The following RMDN1 variants were observed in gnomAD, a reference collection of about 807,000 sequenced individuals.
RMDN1 encodes the protein regulator of microtubule dynamics 1.
In RMDN1, 48 loss-of-function variants were observed where a neutral mutation model predicts 48.9. The ratio of observed to expected loss-of-function variants is 0.98; its 90% CI spans 0.78 to 1.25. RMDN1 has a LOEUF of 1.25. RMDN1 is among the 50% of genes most tolerant of loss of function. The probability of loss-of-function intolerance (pLI) is 0.00; values close to 1 mark genes in which losing one functional copy is unlikely to be tolerated. For synonymous variants in RMDN1, 148 were observed against 132.6 expected, an observed-to-expected ratio of 1.12 and a Z score of -0.80; for missense variants, 418 against 373.4, an observed-to-expected ratio of 1.12 and a Z score of -0.98.
downstream of RMDN1, chr8:86,468,292 T>C (rs1319981987): frequency 2.5e-6 from 1 of 405,748 alleles, no homozygotes; most frequent in African/African-American, 2.1e-5. Context: ...ATTTTATTTT[T>C]CTACATATTG....
chr8:86,470,147 A>T, downstream of RMDN1: 2 of 1,281,290 alleles, frequency 1.6e-6, no homozygotes, highest in South Asian at 2.5e-5. Context: ...GGAAGGAAGG[A>T]AACATCTATA....
chr8:86,504,406 G>T, intron 2 of RMDN1: 1 of 1,560,634 alleles, frequency 6.4e-7, no homozygotes, highest in Admixed American at 1.7e-5. Flanking sequence ...CATTTCCATT[G>T]TGCTCCAGCT....
At chr8:86,469,284 C>CAACTA (rs1319126306), downstream of RMDN1, among the ~76,000 whole-genome samples, 1 of 151,992 alleles carries the variant, frequency 6.6e-6, no homozygotes, top group Non-Finnish European at 1.5e-5. Flanking sequence ...CCTACCCTGA[C>CAACTA]AACTAAATAG....
intron 8 of RMDN1, 27 bp from the exon 9 acceptor site, chr8:86,474,980 TCAGAGGAAACAGTG>T (rs1813125062): frequency 3.8e-6 from 6 of 1,567,808 alleles, no homozygotes; most frequent in Non-Finnish European, 5.2e-6. Context: ...AAAAATGATC[TCAGAGGAAACAGTG>T]TTGCTTTTAT....
chr8:86,484,306 T>C (rs1303241005), intron 5 of RMDN1, among the ~76,000 whole-genome samples: 2 of 144,486 alleles, frequency 1.4e-5, no homozygotes, highest in South Asian at 2.1e-4. Context: ...AGAGGCCATC[T>C]TGGACACTGT....
intron 2 of RMDN1, among the ~76,000 whole-genome samples, chr8:86,501,204 A>C (rs1818157955): frequency 6.6e-6 from 1 of 152,190 alleles, no homozygotes; most frequent in Non-Finnish European, 1.5e-5. Flanking sequence ...CTAAAATAAA[A>C]GTTGGAAAAA....
intron 5 of RMDN1, among the ~76,000 whole-genome samples, chr8:86,484,433 G>A (rs1355715109): frequency 6.6e-6 from 1 of 152,108 alleles, no homozygotes; most frequent in Non-Finnish European, 1.5e-5. Context: ...ATAACAAACT[G>A]TCGGCTGGGC....
intron 3 of RMDN1, among the ~76,000 whole-genome samples, chr8:86,487,452 G>A (rs1563615441): frequency 6.6e-6 from 1 of 152,108 alleles, no homozygotes; most frequent in Non-Finnish European, 1.5e-5. Context: ...GCCGGGTGTG[G>A]TGGCACATGT....
At chr8:86,505,054 C>T (rs1352183878) in intron 2 of RMDN1, 2 of 1,447,128 alleles carry the variant, frequency 1.4e-6, no homozygotes, top group Non-Finnish European at 1.9e-6. Flanking sequence ...AAGGAGACCA[C>T]CACCAATGTC....
chr8:86,503,385 A>AC (rs60830118), intron 2 of RMDN1, among the ~76,000 whole-genome samples: 1,185 of 80,128 alleles, frequency 0.015, 67 homozygotes, highest in African/African-American at 0.054. Flanking sequence ...AAAAAAAAAA[A>AC]AAAACAAAAA....
chr8:86,479,259 G>A (rs1457568247), intron 6 of RMDN1, among the ~76,000 whole-genome samples: 1 of 152,108 alleles, frequency 6.6e-6, no homozygotes, highest in Admixed American at 6.6e-5. Flanking sequence ...ATCTACCACT[G>A]AGTGCATTGT....
At chr8:86,488,520 C>T in intron 3 of RMDN1, 32 bp downstream of exon 3, 1 of 1,394,188 alleles carries the variant, frequency 7.2e-7, no homozygotes, top group Non-Finnish European at 9.7e-7. Flanking sequence ...TTTGAGGAAA[C>T]CACAAGCCTA....
intron 2 of RMDN1, among the ~76,000 whole-genome samples, chr8:86,492,428 G>A (rs1386738462): frequency 6.6e-6 from 1 of 151,978 alleles, no homozygotes; most frequent in Non-Finnish European, 1.5e-5. Flanking sequence ...CAAGGCGGGT[G>A]GATCACCTGA....
intron 2 of RMDN1, among the ~76,000 whole-genome samples, chr8:86,493,668 T>C (rs541177427): frequency 2.0e-5 from 3 of 152,222 alleles, no homozygotes; most frequent in Admixed American, 2.0e-4. Flanking sequence ...ATCCAAAACT[T>C]TGTGAGAGCC....
intron 2 of RMDN1, among the ~76,000 whole-genome samples, chr8:86,494,469 T>C (rs974655666): frequency 6.6e-6 from 1 of 152,062 alleles, no homozygotes; most frequent in African/African-American, 2.4e-5. Flanking sequence ...GGCAGGAGGA[T>C]TGCCTGAGTC....
In RMDN1 at chr8:86,473,837, C is replaced by T. The variant is rs1470921234; in HGVS notation, c.*471G>A. 1.1e-5 allele frequency: 11 copies of T among 987,238 alleles called. No individual in the cohort carries two copies. The highest frequency in any genetic ancestry group is 1.3e-5 in the Non-Finnish European group (11 of 831,226). 61.2% of individuals were successfully genotyped at this position (987,238 alleles called of 1,614,324 possible). On this transcript the variant is annotated 3_prime_UTR_variant, in exon 10 of 10. Transcript: ENST00000406452. ...TTAGTTCTTTACTTACACAGGTTAG[C>T]TCCAAGATATATCATTTAACTACTT... is the stretch of plus-strand genomic sequence containing the variant.
rs922114988 is a variant in RMDN1, at chr8:86,472,989, A to G, written c.*1319T>C. 6 of 314,186 alleles carry G rather than the reference A, an allele frequency of 1.9e-5. No homozygotes were observed. The highest frequency in any genetic ancestry group is 6.4e-5 in the Admixed American group (1 of 15,552). The allele number at this position is 314,186 out of a possible 1,614,324, so 19.5% of individuals were successfully genotyped here. A position where few individuals can be genotyped will look rare whatever the true frequency, so the allele number is the denominator to read the frequency against. On this transcript the variant is annotated 3_prime_UTR_variant, in exon 10 of 10. Coordinates refer to ENST00000406452, the MANE Select transcript of RMDN1 (RefSeq NM_016033.3). ...TTTAAACTTGGGTCCCATCTCCAAG[A>G]TATCTTATTGTGTGTATGCAGGTAT... is the stretch of plus-strand genomic sequence containing the variant.
intron 2 of RMDN1, among the ~76,000 whole-genome samples, chr8:86,506,587 C>T (rs1164277935): frequency 1.3e-5 from 2 of 152,168 alleles, no homozygotes; most frequent in South Asian, 2.1e-4. Context: ...TTCTGTGTTC[C>T]TACAGCCCCT....
downstream of RMDN1, chr8:86,470,249 T>C (rs1026539510): frequency 5.8e-5 from 75 of 1,289,206 alleles, no homozygotes; most frequent in Non-Finnish European, 6.3e-5. Context: ...GAAATAAGCA[T>C]CTCAATCCAG....
Sources: allele counts gnomAD v4.1 joint callset (sites outside exome capture counted in the v4.1 genomes callset), GRCh38; gene constraint gnomAD v4.1.1; transcripts MANE v1.5; gene names NCBI Gene and HGNC (gene_info 2026-07-23, HGNC 2026-07-21).